The following ARMC10 variants were observed in gnomAD, a reference collection of about 807,000 sequenced individuals.
ARMC10 encodes armadillo repeat containing 10, also known as armadillo repeat-containing protein 10.
A neutral mutation model predicts 30.2 loss-of-function variants in ARMC10; 23 were observed. The ratio of observed to expected loss-of-function variants is 0.76; its 90% CI spans 0.55 to 1.08. The LOEUF (loss-of-function observed/expected upper bound fraction) is 1.08, where lower values mean the gene tolerates loss of function less well. ARMC10 is among the 50% of genes least tolerant of loss of function. The probability of loss-of-function intolerance (pLI) is 0.00; values close to 1 mark genes in which losing one functional copy is unlikely to be tolerated. For synonymous variants in ARMC10, 111 were observed against 164.4 expected (o/e 0.68, Z 2.48); for missense variants, 303 against 413.7 (o/e 0.73, Z 2.32).
Position 103,098,484 on chromosome 7 carries a change from A to T in ARMC10, c.963A>T (p.Ile321=). ...ATGGAGAAGAATGTGCCCAGAAAAT[A>T]AGAGCTTTAGTTGATCACCATGATG... ...LLHGEECAQK[I]RALVDHHDAE... The change falls in exon 7 of 7, where the codon ATA becomes ATT. Residue 321 remains isoleucine (I), a synonymous_variant. Transcript: ENST00000323716. The T allele has an allele frequency of 1.2e-6, 2 of 1,612,368 alleles. No homozygotes were observed. The highest frequency in any genetic ancestry group is 1.7e-6 in the Non-Finnish European group (2 of 1,179,302).
At chr7:103,091,667 T>A (rs1801340769) in intron 4 of ARMC10, among the ~76,000 whole-genome samples, 1 of 130,672 alleles carries the variant, frequency 7.7e-6, no homozygotes, top group Non-Finnish European at 1.7e-5. Context: ...CTAAGGTACT[T>A]ATTACTATGA....
intron 3 of ARMC10, 161 bp downstream of exon 3, chr7:103,083,991 C>A: frequency 2.0e-6 from 3 of 1,488,836 alleles, no homozygotes; most frequent in Non-Finnish European, 9.0e-7. Context: ...TTCTGAAAAA[C>A]ACAGCCTAAT....
intron 2 of ARMC10, 126 bp downstream of exon 2, chr7:103,076,007 A>G (rs997108174): frequency 3.5e-6 from 2 of 575,178 alleles, no homozygotes; most frequent in East Asian, 3.3e-5. Context: ...CATGTTTCAC[A>G]TCATGGAAGC....
rs142793005 is a variant in ARMC10 at position 103,088,339 on chromosome 7, C to T, written c.528+1575C>T. ...ATTGGAAGTCCTTGGAAATTGAGAA[C>T]GCTTATTTTGAATTAGCATGTTTTA... On this transcript the variant is annotated intron_variant, in intron 4 of 6. Transcript: ENST00000323716. Among the ~76,000 whole-genome samples, 262 of 152,114 alleles carry T rather than the reference C, an allele frequency of 1.7e-3. 3 individuals carry two copies. Among genetic ancestry groups the T allele is most frequent in the Admixed American group, 7.1e-3 (109 of 15,280 alleles).
Position 103,092,462 on chromosome 7 carries a change from C to A in ARMC10, c.529-15C>A. The A allele has an allele frequency of 6.5e-7, 1 of 1,530,398 alleles. No individual in the cohort carries two copies. The highest frequency in any genetic ancestry group is 8.9e-7 in the Non-Finnish European group (1 of 1,123,438). 94.8% of individuals were successfully genotyped at this position (1,530,398 alleles called of 1,614,324 possible). The stretch of plus-strand genomic sequence containing the variant: ...TGGAGATTCTAAGATGCTCATTTTC[C>A]TCCCCTGCCTTCAGATATACATCAG... On this transcript the variant is annotated splice_polypyrimidine_tract_variant and intron_variant, in intron 4 of 6. Coordinates refer to ENST00000323716, the MANE Select transcript of ARMC10 (RefSeq NM_031905.5).
At position 103,075,164 on chromosome 7, in the gene ARMC10, AGGT is replaced by A; in HGVS notation, c.-106_-104del. ...CATTTCCTTTCTCCACATCCAGGTC[AGGT>A]GGCGTTTGCTGTGGCGGCTAGGCCC... On this transcript the variant is annotated 5_prime_UTR_variant, in exon 1 of 7. Coordinates refer to ENST00000323716, the MANE Select transcript of ARMC10 (RefSeq NM_031905.5). 1.3e-6 allele frequency: 1 copy of A among 744,256 alleles called. No individual in the cohort carries two copies. The highest frequency in any genetic ancestry group is 1.7e-6 in the Non-Finnish European group (1 of 582,652). The allele number at this position is 744,256 out of a possible 1,614,324, so 46.1% of individuals were successfully genotyped here.
At chr7:103,084,373 ATTG>A (rs1438166791) in intron 3 of ARMC10, among the ~76,000 whole-genome samples, 1 of 152,188 alleles carries the variant, frequency 6.6e-6, no homozygotes, top group African/African-American at 2.4e-5. Context: ...AAATTTCGTA[ATTG>A]TTTTCAGCCA....
chr7:103,089,841 ACCT>A (rs1257775411), intron 4 of ARMC10, among the ~76,000 whole-genome samples: 2 of 152,170 alleles, frequency 1.3e-5, no homozygotes, highest in African/African-American at 4.8e-5. Flanking sequence ...TATTTATCAA[ACCT>A]CCTGCTTTGT....
rs528868990 is a variant in ARMC10, at chr7:103,096,603, G to T, written c.706-674G>T. ...GTCGGGGGTGAAGATGGGGTCTAAG[G>T]GTCTCACTATATTGCCCAGGCTGGA... On this transcript the variant is annotated intron_variant, in intron 5 of 6. Transcript: ENST00000323716. 6.6e-5 allele frequency: 10 copies of T among 152,178 alleles called. No homozygotes were observed. In the South Asian group the frequency reaches 1.2e-3, roughly 18 times the overall value. 9.4% of individuals were successfully genotyped at this position (152,178 alleles called of 1,614,324 possible).
intron 5 of ARMC10, among the ~76,000 whole-genome samples, chr7:103,094,992 TAAGC>T (rs978190190): frequency 3.2e-4 from 48 of 152,296 alleles, no homozygotes; most frequent in African/African-American, 1.2e-3. Flanking sequence ...ACAGTAAAAT[TAAGC>T]AAAGTATTAT....
At position 103,075,212 on chromosome 7, in the gene ARMC10, G is replaced by A; in HGVS notation, c.-61G>A. The A allele has an allele frequency of 8.9e-7, 1 of 1,118,348 alleles. No individual in the cohort carries two copies. Among genetic ancestry groups the A allele is most frequent in the Non-Finnish European group, 1.1e-6 (1 of 914,218 alleles). 69.3% of individuals were successfully genotyped at this position (1,118,348 alleles called of 1,614,324 possible). A position where few individuals can be genotyped will look rare whatever the true frequency, so the allele number is the denominator to read the frequency against. On this transcript the variant is annotated 5_prime_UTR_variant, in exon 1 of 7. Coordinates refer to ENST00000323716, the MANE Select transcript of ARMC10 (RefSeq NM_031905.5). ...AGGCCCGCGTGCGCTGGAGACCTCC[G>A]CGCTGGCCCCCGCGAGCCTCCTGCC...
rs1355565699 is a variant in ARMC10 at position 103,092,634 on chromosome 7, C to T, written c.686C>T (p.Thr229Ile). ...ACAGACCTGTTCCAGGTGTTACTTA[C>T]TGGAAATGGAAACACGAAGGTATGA... Reference protein sequence around the residue: ...YITDLFQVLLTGNGNTKVQVL... With the variant: ...YITDLFQVLLIGNGNTKVQVL... The change falls in exon 5 of 7, where the codon ACT becomes ATT. Residue 229 changes from threonine (T) to isoleucine (I), a missense_variant. Physicochemically the swap from Thr to Ile is moderately conservative, Grantham distance 89. This residue lies in a region of ARMC10 where 170 missense variants were observed against 207.2 expected (regional missense o/e 0.82). Coordinates refer to ENST00000323716, the MANE Select transcript of ARMC10 (RefSeq NM_031905.5). 1.3e-6 allele frequency: 2 copies of T among 1,571,392 alleles called. No homozygotes were observed. The highest frequency in any genetic ancestry group is 4.6e-5 in the East Asian group (2 of 43,948).
At chr7:103,092,758 C>T (rs899787641) in intron 5 of ARMC10, 105 bp downstream of exon 5, 12 of 768,788 alleles carry the variant, frequency 1.6e-5, no homozygotes, top group Non-Finnish European at 2.3e-5. Context: ...TAAAAACTCA[C>T]ATGGGCCCAA....
Position 103,075,356 on chromosome 7 carries a change from C to A in ARMC10, c.84C>A (p.Thr28=). Residue 28 remains threonine (T), a synonymous_variant, in exon 1 of 7, where the codon ACC becomes ACA. Transcript: ENST00000323716. ...AGACYCIYRL[T]RGRRRGDREL... Reference sequence around the variant, plus strand: ...CCTGCTACTGCATTTACAGGCTGACCCGGGGTCGGCGGCGGGGCGACCGCG... The same window carrying A: ...CCTGCTACTGCATTTACAGGCTGACACGGGGTCGGCGGCGGGGCGACCGCG... 3 of 1,273,738 alleles carry A rather than the reference C, an allele frequency of 2.4e-6. No individual in the cohort carries two copies. Among genetic ancestry groups the A allele is most frequent in the Non-Finnish European group, 3.0e-6 (3 of 1,008,860 alleles). 78.9% of individuals were successfully genotyped at this position (1,273,738 alleles called of 1,614,324 possible). A position where few individuals can be genotyped will look rare whatever the true frequency, so the allele number is the denominator to read the frequency against.
intron 4 of ARMC10, chr7:103,086,999 A>G (rs1800921616): frequency 1.7e-6 from 2 of 1,176,590 alleles, no homozygotes; most frequent in Admixed American, 2.4e-5. Flanking sequence ...TATCCTCTAC[A>G]TCAGGGACAG....
chr7:103,093,359 C>T (rs1335106994), intron 5 of ARMC10, among the ~76,000 whole-genome samples: 3 of 152,078 alleles, frequency 2.0e-5, no homozygotes, highest in Non-Finnish European at 4.4e-5. Context: ...TTAGAAAGAC[C>T]AAATGTGAAG....
chr7:103,091,475 A>G (rs1056693604), intron 4 of ARMC10, among the ~76,000 whole-genome samples: 2 of 108,474 alleles, frequency 1.8e-5, no homozygotes, highest in South Asian at 3.8e-4. Context: ...TAACAATATT[A>G]TGAAGGGGTG....
chr7:103,094,249 A>T (rs1015390635), intron 5 of ARMC10, among the ~76,000 whole-genome samples: 4 of 152,214 alleles, frequency 2.6e-5, no homozygotes, highest in African/African-American at 9.6e-5. Context: ...GATTAACATA[A>T]ACTGTGTGCT....
At chr7:103,077,391 A>C (rs1440976878) in intron 2 of ARMC10, among the ~76,000 whole-genome samples, 1 of 152,026 alleles carries the variant, frequency 6.6e-6, no homozygotes, top group African/African-American at 2.4e-5. Context: ...ATTAGGAAAG[A>C]AATTTATTTC....
Sources: gnomAD v4.1 joint callset for allele counts (sites outside exome capture counted in the v4.1 genomes callset) on GRCh38, gnomAD v4.1.1 for gene constraint, gnomAD v4.1.1 regional missense constraint, MANE v1.5 for transcripts, NCBI Gene and HGNC (gene_info 2026-07-23, HGNC 2026-07-21) for gene names.